ZHX2: variants seen among roughly 807,000 people sequenced by gnomAD.
ZHX2 encodes zinc fingers and homeoboxes 2.
ZHX2 carries 6 observed loss-of-function variants against 21.9 expected under a neutral mutation model. The ratio of observed to expected loss-of-function variants is 0.27; its 90% CI spans 0.15 to 0.54. ZHX2 has a LOEUF of 0.54. Among genes scored for constraint, ZHX2 ranks in the 20% least tolerant of loss-of-function variants. ZHX2 has a pLI of 0.95. For synonymous variants in ZHX2, 434 were observed against 437.1 expected (o/e 0.99, Z 0.09); for missense variants, 908 against 1,090.7 (o/e 0.83, Z 2.36).
At chr8:122,893,905 C>T (rs1407987773) in intron 2 of ZHX2, among the ~76,000 whole-genome samples, 2 of 152,128 alleles carry the variant, frequency 1.3e-5, no homozygotes, top group Non-Finnish European at 2.9e-5. Context: ...ATTTCTGTGT[C>T]CCTATATTGA....
intron 2 of ZHX2, among the ~76,000 whole-genome samples, chr8:122,886,781 A>C (rs767636892): frequency 2.6e-5 from 4 of 152,218 alleles, no homozygotes; most frequent in Non-Finnish European, 5.9e-5. Flanking sequence ...GCTGGAGAGG[A>C]TATAACAGAA....
rs528334186 is a variant in ZHX2, at chr8:122,802,271, C to G, written c.-283+20325C>G. 1.6e-3 allele frequency among the ~76,000 whole-genome samples: 250 copies of G among 152,278 alleles called. 1 individual carries two copies. The highest frequency in any genetic ancestry group is 5.5e-3 in the African/African-American group (230 of 41,556). ...AGAAATGGGTTTTCACCATATTGGCCAAGCTGGTCTCGAACTCCTGGCCTC... is the reference window on the plus strand; with the variant it reads ...AGAAATGGGTTTTCACCATATTGGCGAAGCTGGTCTCGAACTCCTGGCCTC... On this transcript the variant is annotated intron_variant, in intron 1 of 3. Coordinates refer to ENST00000314393, the MANE Select transcript of ZHX2 (RefSeq NM_014943.5).
At chr8:122,793,212 C>T (rs985340695) in intron 1 of ZHX2, among the ~76,000 whole-genome samples, 3 of 152,210 alleles carry the variant, frequency 2.0e-5, no homozygotes, top group African/African-American at 7.2e-5. Flanking sequence ...ATATGTCTGA[C>T]CTTACCTCCT....
Position 122,952,192 on chromosome 8 carries a change from A to G in ZHX2, c.682A>G (p.Arg228Gly), listed in dbSNP as rs756955414. 2 of 1,613,536 alleles carry G rather than the reference A, an allele frequency of 1.2e-6. No homozygotes were observed. The highest frequency in any genetic ancestry group is 1.7e-5 in the Admixed American group (1 of 59,960). ...GACAGACACAGCTGAGATCCTCTCG[A>G]GACTCGGCGGGGTGGAGCTCCTCCA... ...LVTDTAEILS[R>G]LGGVELLQDT... is the part of the protein sequence containing the mutation. Residue 228 changes from arginine to glycine, a missense_variant, in exon 3 of 4, where the codon AGA becomes GGA. Coordinates refer to ENST00000314393, the MANE Select transcript of ZHX2 (RefSeq NM_014943.5). This position sits in a 1 kb window ranked among gnomAD's most constrained non-coding sequence, Gnocchi z 6.9.
intron 1 of ZHX2, among the ~76,000 whole-genome samples, chr8:122,852,241 G>T (rs1240005929): frequency 1.3e-5 from 2 of 152,152 alleles, no homozygotes; most frequent in East Asian, 1.9e-4. Context: ...AAATATTTCA[G>T]TATGGAGGGT....
rs1813105171 is a variant in ZHX2, at chr8:122,951,385, C to T, written c.-126C>T. On this transcript the variant is annotated 5_prime_UTR_variant, in exon 3 of 4. Coordinates refer to ENST00000314393, the MANE Select transcript of ZHX2 (RefSeq NM_014943.5). ...AACTCAAACAGTAGACTTCAGCACACAAGGAAAGCCAAAGCCATTTGAGGG... is the reference window on the plus strand; with the variant it reads ...AACTCAAACAGTAGACTTCAGCACATAAGGAAAGCCAAAGCCATTTGAGGG... 1.2e-6 allele frequency: 1 copy of T among 837,614 alleles called. No homozygotes were observed. 51.9% of individuals were successfully genotyped at this position (837,614 alleles called of 1,614,324 possible). A position where few individuals can be genotyped will look rare whatever the true frequency, so the allele number is the denominator to read the frequency against.
chr8:122,865,955 T>C (rs1819283502), intron 2 of ZHX2, among the ~76,000 whole-genome samples: 1 of 152,000 alleles, frequency 6.6e-6, no homozygotes, highest in Non-Finnish European at 1.5e-5. Flanking sequence ...GTGGCACTGT[T>C]TTTCCTCCTG....
chr8:122,822,510 G>T (rs771546144), intron 1 of ZHX2, among the ~76,000 whole-genome samples: 1 of 152,196 alleles, frequency 6.6e-6, no homozygotes, highest in Non-Finnish European at 1.5e-5. Flanking sequence ...GCAAATGGCA[G>T]GATTTACCCT....
chr8:122,862,358 G>C (rs13249320), intron 1 of ZHX2, among the ~76,000 whole-genome samples: 1 of 152,192 alleles, frequency 6.6e-6, no homozygotes, highest in Non-Finnish European at 1.5e-5. Context: ...TTTTGGAGCC[G>C]GTTTCCCCAC....
chr8:122,803,759 C>T (rs757419556), intron 1 of ZHX2, among the ~76,000 whole-genome samples: 86 of 152,156 alleles, frequency 5.7e-4, no homozygotes, highest in Non-Finnish European at 1.0e-3. Context: ...AGTAGTGCTC[C>T]CCCTGGCAGC....
chr8:122,956,233 T>C (rs942577924), intron 3 of ZHX2, among the ~76,000 whole-genome samples: 1 of 152,190 alleles, frequency 6.6e-6, no homozygotes, highest in African/African-American at 2.4e-5. Flanking sequence ...ACAATAGGGT[T>C]CAGTTCCATT....
At chr8:122,927,112 A>T (rs752514398) in intron 2 of ZHX2, among the ~76,000 whole-genome samples, 55 of 152,210 alleles carry the variant, frequency 3.6e-4, no homozygotes, top group Non-Finnish European at 6.9e-4. Context: ...CTCACAAGCT[A>T]GTACAGCACC....
chr8:122,790,059 C>G (rs1817481524), intron 1 of ZHX2, among the ~76,000 whole-genome samples: 1 of 152,142 alleles, frequency 6.6e-6, no homozygotes, highest in African/African-American at 2.4e-5. Context: ...TTGGACAGTG[C>G]CTGACTTTGG....
intron 2 of ZHX2, among the ~76,000 whole-genome samples, chr8:122,885,351 C>G (rs1039566156): frequency 1.3e-5 from 2 of 152,214 alleles, no homozygotes; most frequent in Non-Finnish European, 2.9e-5. Context: ...AGAGGCCAGT[C>G]TGCATGCATC....
intron 2 of ZHX2, among the ~76,000 whole-genome samples, chr8:122,909,303 C>T (rs1013041157): frequency 1.8e-4 from 28 of 152,032 alleles, no homozygotes; most frequent in African/African-American, 6.8e-4. Context: ...CATGGTGGTG[C>T]ATGCCTGTAG....
chr8:122,803,725 C>T (rs1047143202), intron 1 of ZHX2, among the ~76,000 whole-genome samples: 1 of 152,210 alleles, frequency 6.6e-6, no homozygotes, highest in Non-Finnish European at 1.5e-5. Context: ...CTGAAATGGT[C>T]GTGTTTTTTT....
intron 1 of ZHX2, among the ~76,000 whole-genome samples, chr8:122,798,093 C>G (rs1026691443): frequency 6.6e-6 from 1 of 152,194 alleles, no homozygotes; most frequent in Non-Finnish European, 1.5e-5. Context: ...AGGGGCAGAG[C>G]CAGACCGGTC....
chr8:122,951,764 A>G lies in ZHX2; in HGVS notation c.254A>G (p.Tyr85Cys). The change falls in exon 3 of 4, where the codon TAC (tyrosine) becomes TGC (cysteine). Residue 85 changes from tyrosine to cysteine, a missense_variant. Coordinates refer to ENST00000314393, the MANE Select transcript of ZHX2 (RefSeq NM_014943.5). ...GGTTATGAGTGCAAATACTGCCCCT[A>G]CTCCACGCAAAACCTGAACGAGTTC... is the stretch of plus-strand genomic sequence containing the variant. The part of the protein sequence containing the change: ...QGGYECKYCP[Y>C]STQNLNEFTE... 1.9e-6 allele frequency: 3 copies of G among 1,613,874 alleles called. No individual in the cohort carries two copies. The highest frequency in any genetic ancestry group is 2.5e-6 in the Non-Finnish European group (3 of 1,179,974).
chr8:122,948,634 A>G (rs971383137), intron 2 of ZHX2, among the ~76,000 whole-genome samples: 4 of 152,264 alleles, frequency 2.6e-5, no homozygotes, highest in Non-Finnish European at 5.9e-5. Flanking sequence ...AGTACTCAAC[A>G]GCTAGATCGA....
Sources: gnomAD v4.1 joint callset for allele counts (sites outside exome capture counted in the v4.1 genomes callset) on GRCh38, gnomAD v4.1.1 for gene constraint, Gnocchi (gnomAD v3.1) non-coding constraint, MANE v1.5 for transcripts, NCBI Gene and HGNC (gene_info 2026-07-23, HGNC 2026-07-21) for gene names.